CHRNA2: variants seen among roughly 807,000 people sequenced by gnomAD.
CHRNA2 encodes neuronal acetylcholine receptor subunit alpha-2.
Under a neutral mutation model 45.5 loss-of-function variants are expected in CHRNA2, and 40 were observed. The observed-to-expected ratio is 0.88, with a 90% CI of 0.68 to 1.15. CHRNA2 has a LOEUF of 1.15. Ranked by LOEUF, CHRNA2 falls within the 50% of genes most tolerant of loss-of-function variation. CHRNA2 has a pLI of 0.00. For synonymous variants in CHRNA2, 301 were observed against 296.7 expected (o/e 1.01, Z -0.15); for missense variants, 655 against 701.7 (o/e 0.93, Z 0.75).
intron 5 of CHRNA2, among the ~76,000 whole-genome samples, chr8:27,466,070 G>C (rs1442310516): frequency 6.6e-6 from 1 of 152,206 alleles, no homozygotes; most frequent in Non-Finnish European, 1.5e-5. Context: ...TGCCAGCTAT[G>C]GGGCACAGAG....
At chr8:27,470,475 C>T (rs970887962) in intron 2 of CHRNA2, among the ~76,000 whole-genome samples, 2 of 152,226 alleles carry the variant, frequency 1.3e-5, no homozygotes, top group African/African-American at 4.8e-5. Flanking sequence ...AAACCATGGG[C>T]ATTTGCCACT....
In CHRNA2 at chr8:27,461,855, C is replaced by T. The variant is rs549290936; in HGVS notation, c.1465-101G>A. 6.9e-5 allele frequency: 106 copies of T among 1,536,574 alleles called. No individual in the cohort carries two copies. The Admixed American group carries it at 1.7e-3, about 25-fold the overall frequency. ...CACAGGCGGCCACTGGGGGCAGCAG[C>T]AACTGCCCCACAGAGACCTTGGGGA... is the stretch of plus-strand genomic sequence containing the variant. On this transcript the variant is annotated intron_variant, in intron 6 of 6. Transcript: ENST00000407991.
chr8:27,471,229 G>A (rs1371652156), intron 1 of CHRNA2, 35 bp from the exon 2 acceptor site: 2 of 646,368 alleles, frequency 3.1e-6, no homozygotes, highest in Non-Finnish European at 2.8e-6. Context: ...TTAGGGTCAT[G>A]CATCCTTGAC....
At position 27,469,586 on chromosome 8, in the gene CHRNA2, G is replaced by T. The variant is rs367739392; in HGVS notation, c.294+175C>A. 4.2e-5 allele frequency: 37 copies of T among 881,380 alleles called. No individual in the cohort carries two copies. In the East Asian group the frequency reaches 6.3e-4, roughly 15 times the overall value. 54.6% of individuals were successfully genotyped at this position (881,380 alleles called of 1,614,324 possible). A position where few individuals can be genotyped will look rare whatever the true frequency, so the allele number is the denominator to read the frequency against. ...CCAATCAATGCCCTCCTAGGAGGGA[G>T]CTCCAGAGCTGGGAGAGGGGAGAGC... is the stretch of plus-strand genomic sequence containing the variant. On this transcript the variant is annotated intron_variant, in intron 3 of 6. Transcript: ENST00000407991.
Position 27,461,011 on chromosome 8 carries a change from C to T in CHRNA2, c.*618G>A, listed in dbSNP as rs940243341. On this transcript the variant is annotated 3_prime_UTR_variant, in exon 7 of 7. Coordinates refer to ENST00000407991, the MANE Select transcript of CHRNA2 (RefSeq NM_000742.4). The stretch of plus-strand genomic sequence containing the variant: ...CACATCAGGTGCAGGCCCTGCCTCC[C>T]GCTTCCTCCCCTTCCAGAAGAGCCC... The T allele has an allele frequency of 1.0e-4, 16 of 155,506 alleles. No individual in the cohort carries two copies. Among genetic ancestry groups the T allele is most frequent in the African/African-American group, 3.4e-4 (14 of 41,452 alleles). The allele number at this position is 155,506 out of a possible 1,614,324, so 9.6% of individuals were successfully genotyped here.
intron 6 of CHRNA2, among the ~76,000 whole-genome samples, 192 bp downstream of exon 6, chr8:27,462,787 C>T (rs1812537484): frequency 6.6e-6 from 1 of 152,204 alleles, no homozygotes; most frequent in South Asian, 2.1e-4. Context: ...ATGCCACGTG[C>T]CAATAAACGT....
At chr8:27,473,760 T>C (rs76391545) in intron 1 of CHRNA2, among the ~76,000 whole-genome samples, 13,929 of 152,192 alleles carry the variant, frequency 0.092, 817 homozygotes, top group East Asian at 0.26. Context: ...ATCAGAATTA[T>C]TATTCATGAA....
At position 27,460,689 on chromosome 8, in the gene CHRNA2, G is replaced by T; in HGVS notation, c.*940C>A. The stretch of plus-strand genomic sequence containing the variant: ...GGGAGGGAAGGAGGGGTGAAGGGAG[G>T]GAGGACAGGCCAAATGAGATGAGTT... On this transcript the variant is annotated 3_prime_UTR_variant, in exon 7 of 7. Coordinates refer to ENST00000407991, the MANE Select transcript of CHRNA2 (RefSeq NM_000742.4). 1 of 152,456 alleles carries T rather than the reference G, an allele frequency of 6.6e-6. No homozygotes were observed. The allele number at this position is 152,456 out of a possible 1,614,324, so 9.4% of individuals were successfully genotyped here.
In CHRNA2 at chr8:27,471,133, G is replaced by T. The variant is rs1444621962; in HGVS notation, c.-75C>A. The T allele has an allele frequency of 7.5e-6, 10 of 1,341,576 alleles. No individual in the cohort carries two copies. The highest frequency in any genetic ancestry group is 1.1e-5 in the Non-Finnish European group (10 of 938,202). The allele number at this position is 1,341,576 out of a possible 1,614,324, so 83.1% of individuals were successfully genotyped here. A position where few individuals can be genotyped will look rare whatever the true frequency, so the allele number is the denominator to read the frequency against. ...CACCATGGACCATGTCCCCAGCAGA[G>T]CTGCTGCTGGATTCTGTGAGGATTC... On this transcript the variant is annotated 5_prime_UTR_variant, in exon 2 of 7. Coordinates refer to ENST00000407991, the MANE Select transcript of CHRNA2 (RefSeq NM_000742.4).
chr8:27,466,301 C>T (rs1050831351), intron 5 of CHRNA2, among the ~76,000 whole-genome samples: 11 of 152,090 alleles, frequency 7.2e-5, no homozygotes, highest in African/African-American at 2.7e-4. Flanking sequence ...CCTTTTATTT[C>T]TTTCTTTAAA....
Position 27,467,335 on chromosome 8 carries a change from A to G in CHRNA2, c.343T>C (p.Trp115Arg). Residue 115 changes from tryptophan to arginine, a missense_variant, in exon 5 of 7, where the codon TGG becomes CGG. This residue lies in a region of CHRNA2 where 323 missense variants were observed against 354.4 expected (regional missense o/e 0.91). Coordinates refer to ENST00000407991, the MANE Select transcript of CHRNA2 (RefSeq NM_000742.4). ...MTTNVWLKQE[W>R]SDYKLRWNPT... ...TTCCAGCGCAGTTTGTAGTCGCTCC[A>G]CTCCTGTGTGTGGGGAAGGAGTTGT... 2 of 1,608,554 alleles carry G rather than the reference A, an allele frequency of 1.2e-6. No homozygotes were observed. The highest frequency in any genetic ancestry group is 1.7e-6 in the Non-Finnish European group (2 of 1,175,266).
chr8:27,475,274 T>C (rs1160948679), intron 1 of CHRNA2: 1 of 152,188 alleles, frequency 6.6e-6, no homozygotes, highest in Non-Finnish European at 1.5e-5. Flanking sequence ...ATCAATCAGC[T>C]GTGTAAAAAG....
At chr8:27,461,889 C>T in intron 6 of CHRNA2, 135 bp from the exon 7 acceptor site, 1 of 1,249,304 alleles carries the variant, frequency 8.0e-7, no homozygotes, top group Non-Finnish European at 1.2e-6. Context: ...GAGCAAAGGT[C>T]AGCACAGGGA....
In CHRNA2 at chr8:27,463,681, G is replaced by C; in HGVS notation, c.762C>G (p.Asp254Glu). 6.2e-7 allele frequency: 1 copy of C among 1,614,124 alleles called. No homozygotes were observed. Among genetic ancestry groups the C allele is most frequent in the South Asian group, 1.1e-5 (1 of 91,072 alleles). Residue 254 changes from aspartate to glutamate, a missense_variant, in exon 6 of 7, where the codon GAC becomes GAG. By Grantham distance (45) the Asp-to-Glu change is conservative. Around this residue, in one of 3 missense-constraint regions of CHRNA2, gnomAD observed 323 missense variants for 354.4 expected, o/e 0.91. Transcript: ENST00000407991. This position sits in a 1 kb window ranked among gnomAD's most constrained non-coding sequence, Gnocchi z 6.1. ...GCCGGATGACGAAGGCGTAGGTGAC[G>C]TCGGGGTAGATCTCGGCGCAGCAGT... ...KYDCCAEIYP[D>E]VTYAFVIRRL... is the part of the protein sequence containing the mutation.
intron 6 of CHRNA2, among the ~76,000 whole-genome samples, chr8:27,462,431 T>G (rs1586387757): frequency 6.7e-6 from 1 of 149,034 alleles, no homozygotes. Flanking sequence ...GGGGTCAGGG[T>G]GGGGCCAATG....
intron 4 of CHRNA2, among the ~76,000 whole-genome samples, chr8:27,468,043 A>G (rs1364868623): frequency 6.6e-6 from 1 of 152,160 alleles, no homozygotes; most frequent in Non-Finnish European, 1.5e-5. Context: ...ACCCACACCA[A>G]ATTGTGGTAC....
chr8:27,463,174 C>T lies in CHRNA2; in HGVS notation c.1269G>A (p.Trp423Ter). ...REVVVEEEDR[W>*]ACAGHVAPSV... ...AGGGGGCCACATGACCTGCACATGC[C>T]CATCTGTCCTCCTCCTCCACCACCA... Residue 423 changes from tryptophan (W) to a stop codon, truncating the protein, a stop_gained, in exon 6 of 7, where the codon TGG becomes TGA. Transcript: ENST00000407991. LOFTEE classifies it high-confidence loss of function. This position sits in a 1 kb window ranked among gnomAD's most constrained non-coding sequence, Gnocchi z 6.1. 1 of 1,595,588 alleles carries T rather than the reference C, an allele frequency of 6.3e-7. No homozygotes were observed. Among genetic ancestry groups the T allele is most frequent in the Non-Finnish European group, 8.6e-7 (1 of 1,167,510 alleles).
rs1397983639 is a variant in CHRNA2, at chr8:27,469,923, G to T, written c.132C>A (p.Pro44=). The T allele has an allele frequency of 2.5e-6, 4 of 1,614,152 alleles. No individual in the cohort carries two copies. Among genetic ancestry groups the T allele is most frequent in the Non-Finnish European group, 3.4e-6 (4 of 1,180,038 alleles). The part of the protein sequence containing the change: ...PRAPGDPLSS[P]SPTALPQGGS... ...CTCCCTGCGGCAATGCCGTGGGACT[G>T]GGAGAGGAGAGTGGGTCTCCAGGAG... The change falls in exon 3 of 7, where the codon CCC becomes CCA. Residue 44 remains proline (P), a synonymous_variant. Transcript: ENST00000407991.
chr8:27,472,545 G>A (rs1471908260), intron 1 of CHRNA2, among the ~76,000 whole-genome samples: 4 of 152,184 alleles, frequency 2.6e-5, no homozygotes, highest in Non-Finnish European at 5.9e-5. Flanking sequence ...GAGAAAAACA[G>A]TTTGTGGTTT....
Sources: allele counts gnomAD v4.1 joint callset (sites outside exome capture counted in the v4.1 genomes callset), GRCh38; gene constraint gnomAD v4.1.1; regional missense constraint gnomAD v4.1.1; non-coding constraint Gnocchi (gnomAD v3.1); transcripts MANE v1.5; gene names NCBI Gene and HGNC (gene_info 2026-07-23, HGNC 2026-07-21).